Variants in NPAS3 observed in about 807,000 individuals in gnomAD.
NPAS3 encodes the protein neuronal PAS domain-containing protein 3.
In NPAS3, 14 loss-of-function variants were observed where a neutral mutation model predicts 73.1. That is an observed-to-expected ratio of 0.19 (90% CI 0.13 to 0.30). NPAS3 has a LOEUF of 0.30. Among genes scored for constraint, NPAS3 ranks in the 10% least tolerant of loss-of-function variants. The pLI is 1.00. For missense variants in NPAS3, 1,096 were observed against 1,250.0 expected (o/e 0.88, Z 1.86); for synonymous variants, 620 against 541.5 (o/e 1.14, Z -2.01).
intron 4 of NPAS3, among the ~76,000 whole-genome samples, chr14:33,457,871 C>T (rs780592092): frequency 6.6e-6 from 1 of 152,182 alleles, no homozygotes; most frequent in Non-Finnish European, 1.5e-5. Context: ...ACCCCCTGGA[C>T]ACCCCTTGTT....
Position 33,605,363 on chromosome 14 carries a change from G to A in NPAS3, c.558+45153G>A, listed in dbSNP as rs1029463093. On this transcript the variant is annotated intron_variant, in intron 5 of 11. Transcript: ENST00000356141. ...TAGAACTTCTAGCCAGTGCAATAAA[G>A]CAAGGAGAAGAGATAAAAGGCATTC... 3.7e-5 allele frequency among the ~76,000 whole-genome samples: 5 copies of A among 136,226 alleles called. No homozygotes were observed. In the Admixed American group the frequency reaches 3.7e-4, roughly 10 times the overall value. The allele number at this position is 136,226 out of a possible 152,430, so 89.4% of individuals were successfully genotyped here.
At chr14:33,337,740 A>G (rs1396441854) in intron 3 of NPAS3, among the ~76,000 whole-genome samples, 1 of 152,018 alleles carries the variant, frequency 6.6e-6, no homozygotes, top group Non-Finnish European at 1.5e-5. Context: ...ATTTATTTAA[A>G]TCTTTAAAAA....
At chr14:33,587,365 T>TA (rs1426268995) in intron 5 of NPAS3, among the ~76,000 whole-genome samples, 17 of 152,194 alleles carry the variant, frequency 1.1e-4, no homozygotes, top group Admixed American at 1.0e-3. Context: ...CCAGTGTCCT[T>TA]ATTTAAGATG....
intron 4 of NPAS3, among the ~76,000 whole-genome samples, chr14:33,499,246 C>G (rs908933376): frequency 1.5e-4 from 23 of 151,716 alleles, no homozygotes; most frequent in African/African-American, 5.6e-4. Context: ...TGTTGGGAAC[C>G]TTTTGGTTTA....
At chr14:33,767,940 G>C (rs1238259975) in intron 7 of NPAS3, among the ~76,000 whole-genome samples, 2 of 152,146 alleles carry the variant, frequency 1.3e-5, no homozygotes, top group African/African-American at 4.8e-5. Context: ...CATATGGCAG[G>C]AACAGAAATA....
intron 5 of NPAS3, among the ~76,000 whole-genome samples, chr14:33,652,904 C>T (rs4329825): frequency 0.44 from 66,648 of 151,204 alleles, 14,969 homozygotes; most frequent in Non-Finnish European, 0.5. Context: ...TTCTCACCCC[C>T]GTGACCTTGG....
intron 4 of NPAS3, among the ~76,000 whole-genome samples, chr14:33,550,822 C>G (rs1163631677): frequency 6.6e-6 from 1 of 152,104 alleles, no homozygotes; most frequent in East Asian, 1.9e-4. Flanking sequence ...AGCCTCTAAG[C>G]GTCTGGAATT....
intron 4 of NPAS3, among the ~76,000 whole-genome samples, chr14:33,530,652 C>T (rs1269165846): frequency 6.6e-6 from 1 of 152,056 alleles, no homozygotes; most frequent in Admixed American, 6.6e-5. Flanking sequence ...TTTCCTTTTT[C>T]AGCTCTTTCT....
chr14:33,623,637 A>T (rs2058142457), intron 5 of NPAS3, among the ~76,000 whole-genome samples: 1 of 152,152 alleles, frequency 6.6e-6, no homozygotes, highest in Non-Finnish European at 1.5e-5. Context: ...ACTCTCTCCA[A>T]GGCCTTCCCA....
rs530566411 is a variant in NPAS3 at position 33,446,102 on chromosome 14, T to C, written c.468+78834T>C. Among the ~76,000 whole-genome samples, 263 of 152,016 alleles carry C rather than the reference T, an allele frequency of 1.7e-3. 1 individual carries two copies. Among genetic ancestry groups the C allele is most frequent in the South Asian group, 7.7e-3 (37 of 4,824 alleles). On this transcript the variant is annotated intron_variant, in intron 4 of 11. Coordinates refer to ENST00000356141, the Ensembl canonical transcript of NPAS3. ...TGAGTCAACATCAACCCCACTGAAA[T>C]CTTTTCTTCCAGTTTTCATCTTGGA... is the stretch of plus-strand genomic sequence containing the variant.
intron 5 of NPAS3, among the ~76,000 whole-genome samples, chr14:33,602,253 A>T (rs532294669): frequency 6.6e-6 from 1 of 152,356 alleles, no homozygotes; most frequent in East Asian, 1.9e-4. Context: ...ATCTGAAAGG[A>T]TGAAAGGTAT....
In NPAS3 at chr14:33,503,422, G is replaced by C. The variant is rs1048400081; in HGVS notation, c.469-56699G>C. Among the ~76,000 whole-genome samples, 9 of 151,940 alleles carry C rather than the reference G, an allele frequency of 5.9e-5. No homozygotes were observed. The South Asian group carries it at 1.9e-3, about 31-fold the overall frequency. ...ATAATGTATGAAAACATGTTTACAT[G>C]TGGTAGTTGCTCAGTAAGTGATCAG... On this transcript the variant is annotated intron_variant, in intron 4 of 11. Transcript: ENST00000356141.
At chr14:33,409,202 G>T (rs944658231) in intron 4 of NPAS3, among the ~76,000 whole-genome samples, 2 of 152,188 alleles carry the variant, frequency 1.3e-5, no homozygotes, top group African/African-American at 4.8e-5. Flanking sequence ...GAGGGGAGTT[G>T]AGCAGCCCCA....
intron 4 of NPAS3, among the ~76,000 whole-genome samples, chr14:33,406,455 C>T (rs1008014153): frequency 2.4e-4 from 36 of 152,056 alleles, no homozygotes; most frequent in African/African-American, 8.7e-4. Context: ...AGGGTCCTGA[C>T]TTAAGTGTCT....
chr14:33,209,629 A>T (rs964236855), intron 2 of NPAS3, among the ~76,000 whole-genome samples: 7 of 152,220 alleles, frequency 4.6e-5, no homozygotes, highest in African/African-American at 1.2e-4. Flanking sequence ...TTGAGGCTGC[A>T]TGCCAGATTA....
intron 1 of NPAS3, among the ~76,000 whole-genome samples, chr14:32,960,096 A>G (rs1227644564): frequency 6.7e-6 from 1 of 150,226 alleles, no homozygotes; most frequent in Non-Finnish European, 1.5e-5. Context: ...AGTGTAATAT[A>G]TTGGTTATAT....
intron 2 of NPAS3, among the ~76,000 whole-genome samples, chr14:33,061,754 T>C (rs1277995262): frequency 2.0e-5 from 3 of 152,198 alleles, no homozygotes; most frequent in Admixed American, 2.0e-4. Context: ...CAGAGGTGAC[T>C]AAGAAAACCT....
chr14:33,641,503 A>ATAAT lies in NPAS3; in HGVS notation c.559-34706_559-34703dup, dbSNP rs138609896. Among the ~76,000 whole-genome samples the ATAAT allele has an allele frequency of 9.4e-3, 1,426 of 152,286 alleles. 24 individuals are homozygous for ATAAT. The highest frequency in any genetic ancestry group is 0.033 in the African/African-American group (1,358 of 41,564). On this transcript the variant is annotated intron_variant, in intron 5 of 11. Coordinates refer to ENST00000356141, the Ensembl canonical transcript of NPAS3. ...ATGTAACACCACTGGTCCCACAACT[A>ATAAT]TAATTGTGTGTACCACTAGGGGCTA...
chr14:33,641,819 G>T (rs915802132), intron 5 of NPAS3, among the ~76,000 whole-genome samples: 2 of 151,996 alleles, frequency 1.3e-5, no homozygotes, highest in African/African-American at 4.8e-5. Context: ...TGTGCTAATG[G>T]TACAGCGGCA....
Sources: gnomAD v4.1 joint callset for allele counts (sites outside exome capture counted in the v4.1 genomes callset) on GRCh38, gnomAD v4.1.1 for gene constraint, MANE v1.5 for transcripts, NCBI Gene and HGNC (gene_info 2026-07-23, HGNC 2026-07-21) for gene names.